The following TUSC3 variants were observed in gnomAD, a reference collection of about 807,000 sequenced individuals.
The protein encoded by TUSC3 is tumor suppressor candidate 3.
A neutral mutation model predicts 44.8 loss-of-function variants in TUSC3; 45 were observed. The observed-to-expected ratio is 1.00, with a 90% CI of 0.79 to 1.29. The LOEUF is 1.29. TUSC3 is among the 50% of genes most tolerant of loss of function. The pLI is 0.00. For missense variants in TUSC3, 519 were observed against 437.9 expected (o/e 1.19, Z -1.65); for synonymous variants, 212 against 152.9 (o/e 1.39, Z -2.85).
Position 15,636,260 on chromosome 8 carries a change from G to A in TUSC3, c.308+13011G>A, listed in dbSNP as rs186533221. 9.6e-4 allele frequency among the ~76,000 whole-genome samples: 146 copies of A among 152,228 alleles called. 1 individual carries two copies. Among genetic ancestry groups the A allele is most frequent in the African/African-American group, 3.4e-3 (141 of 41,534 alleles). ...AGGCCTGGGCATTTAGGGAACCTCT[G>A]TGAATTGAGGGCTCCACTGGGCCAT... On this transcript the variant is annotated intron_variant, in intron 2 of 10. Transcript: ENST00000503731.
chr8:15,831,746 A>C, the TUSC3 span, among the ~76,000 whole-genome samples: 1 of 152,322 alleles, frequency 6.6e-6, no homozygotes, highest in South Asian at 2.1e-4. Flanking sequence ...AATAGAGAAA[A>C]AAGAATGAAA....
At chr8:15,666,052 A>G (rs1324191243) in intron 5 of TUSC3, among the ~76,000 whole-genome samples, 1 of 151,542 alleles carries the variant, frequency 6.6e-6, no homozygotes, top group Non-Finnish European at 1.5e-5. Flanking sequence ...ACACTAGTAC[A>G]TAATTTCAAA....
intron 2 of TUSC3, among the ~76,000 whole-genome samples, chr8:15,495,042 A>G (rs1289013764): frequency 1.3e-5 from 2 of 152,210 alleles, no homozygotes; most frequent in African/African-American, 4.8e-5. Flanking sequence ...GCCTAGGATA[A>G]TAGCCTCCAG....
At chr8:15,552,353 A>G (rs568717491) in intron 1 of TUSC3, among the ~76,000 whole-genome samples, 2 of 151,874 alleles carry the variant, frequency 1.3e-5, no homozygotes, top group South Asian at 4.2e-4. Context: ...TTTTGAAGGT[A>G]GAGTGATGAA....
intron 1 of TUSC3, among the ~76,000 whole-genome samples, chr8:15,482,010 C>T (rs1013057777): frequency 3.3e-5 from 5 of 152,178 alleles, no homozygotes; most frequent in South Asian, 2.1e-4. Flanking sequence ...CCAGCTGCTT[C>T]TTTATTAACT....
At chr8:15,457,817 A>C (rs1438166232) in intron 1 of TUSC3, among the ~76,000 whole-genome samples, 1 of 58,150 alleles carries the variant, frequency 1.7e-5, no homozygotes, top group Non-Finnish European at 3.9e-5. Context: ...AATTTATTAG[A>C]TAATTAATTA....
At chr8:15,503,662 C>G (rs988255379) in intron 2 of TUSC3, among the ~76,000 whole-genome samples, 11 of 152,070 alleles carry the variant, frequency 7.2e-5, no homozygotes, top group African/African-American at 2.7e-4. Flanking sequence ...TACGTTCGTA[C>G]CACTCCACTC....
intron 1 of TUSC3, among the ~76,000 whole-genome samples, chr8:15,476,344 C>G (rs62501891): frequency 0.14 from 21,669 of 152,056 alleles, 1,809 homozygotes; most frequent in Middle Eastern, 0.26. Flanking sequence ...ATACTTTATC[C>G]TTTTTGTATA....
At chr8:15,527,680 T>C (rs900864939) in intron 2 of TUSC3, among the ~76,000 whole-genome samples, 4 of 152,154 alleles carry the variant, frequency 2.6e-5, no homozygotes, top group Non-Finnish European at 5.9e-5. Flanking sequence ...CCTAGGATTA[T>C]AGGAGTGAGC....
the TUSC3 span, among the ~76,000 whole-genome samples, chr8:15,802,993 T>C: frequency 2.0e-5 from 3 of 152,162 alleles, no homozygotes; most frequent in Non-Finnish European, 4.4e-5. Flanking sequence ...AAACGTGTGA[T>C]TCAGTAAACA....
At chr8:15,480,526 C>T (rs1158265367) in intron 1 of TUSC3, among the ~76,000 whole-genome samples, 1 of 152,170 alleles carries the variant, frequency 6.6e-6, no homozygotes, top group Admixed American at 6.5e-5. Flanking sequence ...AGCAGGAACT[C>T]TTGCCTCATG....
chr8:15,767,710 A>G (rs573661004), downstream of TUSC3, among the ~76,000 whole-genome samples: 254 of 152,210 alleles, frequency 1.7e-3, no homozygotes, highest in Middle Eastern at 0.01. Flanking sequence ...GCTTTGACCT[A>G]TCTAGGGTCT....
At chr8:15,450,060 C>G (rs914786147) in intron 1 of TUSC3, among the ~76,000 whole-genome samples, 21 of 152,088 alleles carry the variant, frequency 1.4e-4, no homozygotes, top group African/African-American at 4.8e-4. Context: ...AATTGCCTAA[C>G]AATGCATTTC....
intron 1 of TUSC3, among the ~76,000 whole-genome samples, chr8:15,436,224 A>G (rs909465005): frequency 1.3e-5 from 2 of 152,206 alleles, no homozygotes; most frequent in African/African-American, 4.8e-5. Flanking sequence ...GAATGTAGCC[A>G]TAGAAGTCAT....
At chr8:15,608,773 G>C (rs1310641049) in intron 1 of TUSC3, among the ~76,000 whole-genome samples, 2 of 152,100 alleles carry the variant, frequency 1.3e-5, no homozygotes, top group East Asian at 3.9e-4. Context: ...TAAGTTTCCT[G>C]AGGCTCTCCA....
chr8:15,450,088 C>T (rs1265808699), intron 1 of TUSC3, among the ~76,000 whole-genome samples: 2 of 152,098 alleles, frequency 1.3e-5, no homozygotes, highest in African/African-American at 4.8e-5. Context: ...GTATTCTTGT[C>T]ATTGAGTGAC....
intron 1 of TUSC3, among the ~76,000 whole-genome samples, chr8:15,421,701 G>A (rs1311599203): frequency 6.6e-6 from 1 of 152,104 alleles, no homozygotes; most frequent in African/African-American, 2.4e-5. Flanking sequence ...AATGTTAAAG[G>A]TGCCTATTCA....
At chr8:15,748,309 A>G in intron 8 of TUSC3, 66 bp from the exon 9 acceptor site, 1 of 1,220,580 alleles carries the variant, frequency 8.2e-7, no homozygotes, top group Non-Finnish European at 1.2e-6. Context: ...GCATTTAAAA[A>G]TATAAACAAT....
At chr8:15,669,371 G>C (rs915429804) in intron 5 of TUSC3, among the ~76,000 whole-genome samples, 3 of 151,712 alleles carry the variant, frequency 2.0e-5, no homozygotes, top group African/African-American at 7.3e-5. Flanking sequence ...AATAAAAAAA[G>C]AGGAAGTGCC....
Sources: gnomAD v4.1 joint callset for allele counts (sites outside exome capture counted in the v4.1 genomes callset) on GRCh38, gnomAD v4.1.1 for gene constraint, MANE v1.5 for transcripts, NCBI Gene and HGNC (gene_info 2026-07-23, HGNC 2026-07-21) for gene names.